The following AKAP10 variants were observed in gnomAD, a reference collection of about 807,000 sequenced individuals.
AKAP10 encodes A-kinase anchoring protein 10.
A neutral mutation model predicts 80.8 loss-of-function variants in AKAP10; 24 were observed. That is an observed-to-expected ratio of 0.30 (90% CI 0.22 to 0.42). The LOEUF is 0.42. Among genes scored for constraint, AKAP10 ranks in the 10% least tolerant of loss-of-function variants. The probability of loss-of-function intolerance (pLI) is 1.00; values close to 1 mark genes in which losing one functional copy is unlikely to be tolerated. For missense variants in AKAP10, 661 were observed against 794.9 expected, an observed-to-expected ratio of 0.83 and a Z score of 2.03; for synonymous variants, 291 against 277.7, an observed-to-expected ratio of 1.05 and a Z score of -0.48.
chr17:19,946,241 A>ATATATATATATATATATATATAT (rs2043115783), intron 5 of AKAP10, among the ~76,000 whole-genome samples: 1 of 10,758 alleles, frequency 9.3e-5, no homozygotes. Flanking sequence ...TATATATTAT[A>ATATATATATATATATATATATAT]TATATATATA....
intron 3 of AKAP10, among the ~76,000 whole-genome samples, chr17:19,961,713 TG>T (rs2152418222): frequency 6.6e-6 from 1 of 152,374 alleles, no homozygotes; most frequent in East Asian, 1.9e-4. Context: ...GTTTTTGTTT[TG>T]GAAGAACTTA....
Position 19,941,851 on chromosome 17 carries a change from T to C in AKAP10, c.1036A>G (p.Ile346Val), listed in dbSNP as rs1342778074. Residue 346 changes from isoleucine (I) to valine (V), a missense_variant, in exon 6 of 15, where the codon ATA becomes GTA. Ile to Val is a conservative substitution (Grantham distance 29). Transcript: ENST00000225737. The stretch of plus-strand genomic sequence containing the variant: ...TCTTGCTCCATTGCACTAAAGACTA[T>C]GGACTGTGCCAAAACGAAACAGTTG... ...DPNCFVLAQS[I>V]VFSAMEQEHF... The C allele has an allele frequency of 6.2e-7, 1 of 1,609,094 alleles. No individual in the cohort carries two copies. The highest frequency in any genetic ancestry group is 8.5e-7 in the Non-Finnish European group (1 of 1,177,686).
At chr17:19,943,333 C>T (rs146540675) in intron 5 of AKAP10, among the ~76,000 whole-genome samples, 6 of 152,284 alleles carry the variant, frequency 3.9e-5, no homozygotes. Context: ...CAGAATTACA[C>T]GTTTGGGACT....
chr17:19,909,807 A>G (rs1276967382), intron 13 of AKAP10, 119 bp downstream of exon 13: 1 of 804,446 alleles, frequency 1.2e-6, no homozygotes. Flanking sequence ...GGGTAAGAGA[A>G]CATAAATGTG....
intron 3 of AKAP10, among the ~76,000 whole-genome samples, chr17:19,959,319 A>T (rs2043321090): frequency 1.3e-5 from 2 of 152,236 alleles, no homozygotes; most frequent in Admixed American, 6.5e-5. Context: ...ATTATTAAGC[A>T]GTAACAAGGG....
chr17:19,913,607 A>G (rs1291429877), intron 12 of AKAP10, among the ~76,000 whole-genome samples: 1 of 152,198 alleles, frequency 6.6e-6, no homozygotes, highest in Non-Finnish European at 1.5e-5. Context: ...ACATTTGTAG[A>G]ATGAGGATAT....
chr17:19,946,280 T>C (rs1439107318), intron 5 of AKAP10, among the ~76,000 whole-genome samples: 1 of 33,454 alleles, frequency 3.0e-5, no homozygotes, highest in African/African-American at 9.7e-5. Flanking sequence ...TATATATTTT[T>C]TTTTTTTTTT....
At position 19,907,408 on chromosome 17, in the gene AKAP10, A is replaced by T. The variant is rs796183293; in HGVS notation, c.1984-1176T>A. Among the ~76,000 whole-genome samples, 19 of 147,502 alleles carry T rather than the reference A, an allele frequency of 1.3e-4. No individual in the cohort carries two copies. The East Asian group carries it at 3.0e-3, about 23-fold the overall frequency. On this transcript the variant is annotated intron_variant, in intron 14 of 14. Transcript: ENST00000225737. ...TTCTCATTATACTCTTGTTTTCTTT[A>T]ACTTTTTTTTTTTTTTTTTTGAGAC...
intron 10 of AKAP10, chr17:19,929,381 T>C (rs574945003): frequency 2.6e-5 from 4 of 152,344 alleles, no homozygotes; most frequent in South Asian, 2.1e-4. Context: ...ATACACAGTA[T>C]GGTTTTATTT....
At chr17:19,944,675 A>G (rs2043084827) in intron 5 of AKAP10, among the ~76,000 whole-genome samples, 2 of 152,110 alleles carry the variant, frequency 1.3e-5, no homozygotes, top group African/African-American at 4.8e-5. Context: ...CAAACAAACA[A>G]AAAATGCAGT....
At chr17:19,967,603 C>A (rs1039116733) in intron 2 of AKAP10, among the ~76,000 whole-genome samples, 1 of 152,242 alleles carries the variant, frequency 6.6e-6, no homozygotes, top group African/African-American at 2.4e-5. Flanking sequence ...CTACTTATGG[C>A]CAGGCATGGT....
intron 10 of AKAP10, among the ~76,000 whole-genome samples, chr17:19,930,655 C>A (rs1373635072): frequency 6.6e-6 from 1 of 151,988 alleles, no homozygotes; most frequent in Non-Finnish European, 1.5e-5. Flanking sequence ...AAGCAGGCGG[C>A]ATTTGAGGTC....
At chr17:19,914,978 A>T (rs1362097303) in intron 12 of AKAP10, among the ~76,000 whole-genome samples, 1 of 152,246 alleles carries the variant, frequency 6.6e-6, no homozygotes, top group Non-Finnish European at 1.5e-5. Flanking sequence ...TTCCAAATGC[A>T]ACAGAAAGCC....
intron 8 of AKAP10, among the ~76,000 whole-genome samples, chr17:19,936,927 G>C (rs1202442359): frequency 6.6e-6 from 1 of 152,134 alleles, no homozygotes; most frequent in East Asian, 1.9e-4. Context: ...ACAGCACTGA[G>C]GGGTGAGCTA....
chr17:19,933,312 C>T (rs1420442008), intron 9 of AKAP10, among the ~76,000 whole-genome samples: 1 of 152,202 alleles, frequency 6.6e-6, no homozygotes, highest in Non-Finnish European at 1.5e-5. Flanking sequence ...AGCCACCGTG[C>T]CCGGCCAATA....
At chr17:19,975,653 G>T (rs1416664733) in intron 1 of AKAP10, among the ~76,000 whole-genome samples, 1 of 152,186 alleles carries the variant, frequency 6.6e-6, no homozygotes, top group African/African-American at 2.4e-5. Flanking sequence ...GAAGAGAGAA[G>T]ATTTGTTTGC....
intron 4 of AKAP10, among the ~76,000 whole-genome samples, chr17:19,955,908 T>C (rs1466718913): frequency 6.6e-6 from 1 of 152,140 alleles, no homozygotes; most frequent in Non-Finnish European, 1.5e-5. Flanking sequence ...TTCCCAATAC[T>C]GAATTCTCTC....
chr17:19,927,321 G>A (rs1365417640), intron 10 of AKAP10, among the ~76,000 whole-genome samples: 1 of 151,212 alleles, frequency 6.6e-6, no homozygotes, highest in African/African-American at 2.4e-5. Flanking sequence ...GCAGCAGAAT[G>A]AGACCTTATC....
chr17:19,930,156 A>G (rs1324030532), intron 10 of AKAP10, among the ~76,000 whole-genome samples: 1 of 152,190 alleles, frequency 6.6e-6, no homozygotes, highest in African/African-American at 2.4e-5. Flanking sequence ...TCTCTTACAA[A>G]TTAGGAAAAT....
Sources: allele counts gnomAD v4.1 joint callset (sites outside exome capture counted in the v4.1 genomes callset), GRCh38; gene constraint gnomAD v4.1.1; transcripts MANE v1.5; gene names NCBI Gene and HGNC (gene_info 2026-07-23, HGNC 2026-07-21).